TBCD: variants seen among roughly 807,000 people sequenced by gnomAD.
TBCD encodes the protein tubulin folding cofactor D, also known as tubulin-specific chaperone D.
A neutral mutation model predicts 169.3 loss-of-function variants in TBCD; 105 were observed. The ratio of observed to expected loss-of-function variants is 0.62; its 90% CI spans 0.53 to 0.73. TBCD has a LOEUF of 0.73. Ranked by LOEUF, TBCD falls within the 30% of genes least tolerant of loss-of-function variation. The pLI is 0.00. For synonymous variants in TBCD, 700 were observed against 643.9 expected, an observed-to-expected ratio of 1.09 and a Z score of -1.32; for missense variants, 1,444 against 1,600.1, an observed-to-expected ratio of 0.90 and a Z score of 1.66.
chr17:82,810,621 A>T (rs1209271324), intron 12 of TBCD, among the ~76,000 whole-genome samples: 1 of 152,182 alleles, frequency 6.6e-6, no homozygotes, highest in Admixed American at 6.5e-5. Context: ...TGGTGTGCTC[A>T]CACGTGTGAG....
intron 28 of TBCD, chr17:82,926,727 A>G: frequency 5.2e-6 from 3 of 578,386 alleles, no homozygotes; most frequent in Non-Finnish European, 9.2e-6. Flanking sequence ...GAATTGGAGA[A>G]TGTGTCCTGG....
In TBCD at chr17:82,755,742, A is replaced by T. The variant is rs559929564; in HGVS notation, c.185-423A>T. On this transcript the variant is annotated intron_variant, in intron 1 of 38. Transcript: ENST00000355528. ...CTAGGGGGCTTAGAATTTTGTTTTT[A>T]GTTTACAGGCATGTTTGGCAGGGGA... Among the ~76,000 whole-genome samples, 392 of 152,214 alleles carry T rather than the reference A, an allele frequency of 2.6e-3. 19 individuals are homozygous for T. Among genetic ancestry groups the T allele is most frequent in the Admixed American group, 0.025 (382 of 15,288 alleles).
At chr17:82,883,270 C>T (rs561433583) in intron 14 of TBCD, among the ~76,000 whole-genome samples, 3 of 152,378 alleles carry the variant, frequency 2.0e-5, no homozygotes, top group East Asian at 3.9e-4. Flanking sequence ...CTTATCTCCG[C>T]GTGTCTGAAA....
chr17:82,941,192 C>A (rs1599764979), intron 37 of TBCD, among the ~76,000 whole-genome samples: 1 of 152,270 alleles, frequency 6.6e-6, no homozygotes, highest in African/African-American at 2.4e-5. Context: ...AACCGTCCTC[C>A]TGCGATTCCG....
chr17:82,779,844 C>T (rs1018752670), intron 6 of TBCD, among the ~76,000 whole-genome samples: 3 of 152,128 alleles, frequency 2.0e-5, no homozygotes, highest in African/African-American at 7.2e-5. Context: ...CTGGGGTCTC[C>T]ACGTAGCTGT....
intron 14 of TBCD, among the ~76,000 whole-genome samples, chr17:82,881,894 T>G (rs1470981474): frequency 6.6e-6 from 1 of 152,080 alleles, no homozygotes; most frequent in African/African-American, 2.4e-5. Context: ...CCTTTCTCTC[T>G]CTCTCTGTCT....
chr17:82,897,531 A>C (rs2059573541), intron 17 of TBCD, among the ~76,000 whole-genome samples: 1 of 151,984 alleles, frequency 6.6e-6, no homozygotes, highest in Admixed American at 6.6e-5. Flanking sequence ...AAAAAAAAAA[A>C]AAATCAGCTT....
intron 18 of TBCD, among the ~76,000 whole-genome samples, chr17:82,901,792 C>T (rs2059914493): frequency 6.6e-6 from 1 of 152,172 alleles, no homozygotes; most frequent in African/African-American, 2.4e-5. Context: ...CATTCGCTTA[C>T]AGAGAGGGGT....
intron 14 of TBCD, among the ~76,000 whole-genome samples, chr17:82,882,986 G>A (rs971098188): frequency 1.3e-5 from 2 of 152,244 alleles, no homozygotes; most frequent in African/African-American, 4.8e-5. Context: ...GCCCTACCGG[G>A]CTGGAGCGGA....
intron 13 of TBCD, among the ~76,000 whole-genome samples, chr17:82,857,913 TGTTTTA>T (rs1280884829): frequency 1.4e-5 from 2 of 137,968 alleles, no homozygotes; most frequent in Admixed American, 7.4e-5. Context: ...TATTTTAATT[TGTTTTA>T]GTTTTTTTTT....
chr17:82,932,345 G>A (rs187039693), intron 33 of TBCD, among the ~76,000 whole-genome samples: 90 of 152,338 alleles, frequency 5.9e-4, no homozygotes, highest in African/African-American at 2.1e-3. Flanking sequence ...CTGCATTGCC[G>A]TTGCAGCTTT....
chr17:82,798,910 T>G (rs73362984), intron 8 of TBCD, among the ~76,000 whole-genome samples: 2 of 151,834 alleles, frequency 1.3e-5, no homozygotes, highest in African/African-American at 4.8e-5. Context: ...GCCCGGCTAA[T>G]TTTTTTAGCA....
At chr17:82,759,343 T>C (rs9912346) in intron 2 of TBCD, among the ~76,000 whole-genome samples, 78,738 of 151,844 alleles carry the variant, frequency 0.52, 21,475 homozygotes, top group South Asian at 0.63. Context: ...TAGCTGGGCA[T>C]GGTGAAGCAT....
Position 82,759,958 on chromosome 17 carries a change from C to G in TBCD, c.235+3743C>G, listed in dbSNP as rs1224238767. On this transcript the variant is annotated intron_variant, in intron 2 of 38. Coordinates refer to ENST00000355528, the MANE Select transcript of TBCD (RefSeq NM_005993.5). The stretch of plus-strand genomic sequence containing the variant: ...CTGGAGTGCAGTGGCGTGTTCTTGG[C>G]TTACTGCAACCTCCGCCTCCCAGGT... 2.0e-5 allele frequency among the ~76,000 whole-genome samples: 3 copies of G among 147,504 alleles called. No individual in the cohort carries two copies. The East Asian group carries it at 6.0e-4, about 29-fold the overall frequency.
intron 13 of TBCD, among the ~76,000 whole-genome samples, chr17:82,815,697 C>T (rs909257019): frequency 6.6e-6 from 1 of 152,230 alleles, no homozygotes; most frequent in Non-Finnish European, 1.5e-5. Flanking sequence ...GAGAGGGCCT[C>T]ACCACAGAGA....
intron 11 of TBCD, among the ~76,000 whole-genome samples, chr17:82,808,343 A>G (rs2051137110): frequency 8.4e-6 from 1 of 118,568 alleles, no homozygotes; most frequent in Non-Finnish European, 1.7e-5. Context: ...CCTTCTGTGG[A>G]GGGGATGAGG....
intron 2 of TBCD, among the ~76,000 whole-genome samples, chr17:82,759,516 G>A (rs971818216): frequency 2.6e-5 from 4 of 152,100 alleles, no homozygotes; most frequent in African/African-American, 9.7e-5. Flanking sequence ...TGCAGGGTCA[G>A]GGTCACGCTG....
At chr17:82,909,827 A>G (rs1460811711) in intron 22 of TBCD, among the ~76,000 whole-genome samples, 1 of 152,050 alleles carries the variant, frequency 6.6e-6, no homozygotes, top group Non-Finnish European at 1.5e-5. Context: ...GGCCTCCCCA[A>G]CCCCGAGATC....
chr17:82,808,735 A>G (rs1389294768), intron 11 of TBCD, among the ~76,000 whole-genome samples: 1 of 128,768 alleles, frequency 7.8e-6, no homozygotes, highest in African/African-American at 3.0e-5. Flanking sequence ...AGGGGCCGGC[A>G]GGTGCTGAGG....
Sources: allele counts gnomAD v4.1 joint callset (sites outside exome capture counted in the v4.1 genomes callset), GRCh38; gene constraint gnomAD v4.1.1; transcripts MANE v1.5; gene names NCBI Gene and HGNC (gene_info 2026-07-23, HGNC 2026-07-21).